RPGR: variants seen among roughly 807,000 people sequenced by gnomAD.
RPGR encodes the protein X-linked retinitis pigmentosa GTPase regulator.
A neutral mutation model predicts 56.3 loss-of-function variants in RPGR; 10 were observed. The ratio of observed to expected loss-of-function variants is 0.18; its 90% CI spans 0.11 to 0.30. RPGR has a LOEUF of 0.30. Ranked by LOEUF, RPGR falls within the 10% of genes least tolerant of loss-of-function variation. The pLI, the probability that RPGR is intolerant of heterozygous loss-of-function variation, is 1.00. For synonymous variants in RPGR, 197 were observed against 212.9 expected (o/e 0.93, Z 0.65); for missense variants, 538 against 590.9 (o/e 0.91, Z 0.93).
At chrX:38,273,332 T>C in intron 18 of RPGR, 1 of 992,208 alleles carries the variant, frequency 1.0e-6, no homozygotes. Context: ...ATATGAAAAG[T>C]AAAACAAACA....
intron 8 of RPGR, among the ~76,000 whole-genome samples, chrX:38,302,230 G>C (rs1482732406): frequency 9.0e-6 from 1 of 111,432 alleles, no homozygotes; most frequent in Non-Finnish European, 1.9e-5. Context: ...TAAGTGCCAG[G>C]GAAGCAGAAG....
intron 5 of RPGR, among the ~76,000 whole-genome samples, 187 bp from the exon 6 acceptor site, chrX:38,317,652 TATAATG>T (rs1409887349): frequency 8.9e-6 from 1 of 112,676 alleles, no homozygotes; most frequent in East Asian, 2.8e-4. Context: ...GAAATGCTTC[TATAATG>T]ATAAAGAACA....
intron 10 of RPGR, among the ~76,000 whole-genome samples, chrX:38,298,621 GAA>G (rs1270133319): frequency 9.0e-6 from 1 of 111,545 alleles, no homozygotes; most frequent in Non-Finnish European, 1.9e-5. Flanking sequence ...ATAACAAAGT[GAA>G]AGTCAGTCCA....
chrX:38,269,931 T>C lies in RPGR; in HGVS notation c.2242-99A>G, dbSNP rs192801596. 326 of 600,587 alleles carry C rather than the reference T, an allele frequency of 5.4e-4. 1 individual carries two copies. The African/African-American group carries it at 6.9e-3, about 13-fold the overall frequency. The allele number at this position is 600,587 out of a possible 1,213,427, so 49.5% of individuals were successfully genotyped here. A position where few individuals can be genotyped will look rare whatever the true frequency, so the allele number is the denominator to read the frequency against. ...TCATTTTCAACACGTAAGAACATGATTTTGTCATCTCTTTATGGGGCACCA... is the reference window on the plus strand; with the variant it reads ...TCATTTTCAACACGTAAGAACATGACTTTGTCATCTCTTTATGGGGCACCA... On this transcript the variant is annotated intron_variant, in intron 18 of 18. Coordinates refer to ENST00000642395, the MANE Select transcript of RPGR (RefSeq NM_000328.3).
chrX:38,291,062 C>T, intron 12 of RPGR, 38 bp from the exon 13 acceptor site: 5 of 479,826 alleles, frequency 1.0e-5, no homozygotes, highest in South Asian at 4.7e-5. Context: ...AAAAAGAATA[C>T]AGTATATATA....
At chrX:38,289,962 G>A (rs986304886) in intron 13 of RPGR, among the ~76,000 whole-genome samples, 1 of 111,725 alleles carries the variant, frequency 9.0e-6, no homozygotes, top group Admixed American at 9.5e-5. Flanking sequence ...AAAGGTGTCT[G>A]CTTGGAAGTA....
rs771418908 is a variant in RPGR at position 38,315,782 on chromosome X, T to C, written c.619+1534A>G. On this transcript the variant is annotated intron_variant, in intron 6 of 18. Coordinates refer to ENST00000642395, the MANE Select transcript of RPGR (RefSeq NM_000328.3). ...CATGATGTGATTATTGCCCATCACA[T>C]GCCTGCATAAAAACATCTCAGGTAT... Among the ~76,000 whole-genome samples, 188 of 106,306 alleles carry C rather than the reference T, an allele frequency of 1.8e-3. 1 individual carries two copies. Among genetic ancestry groups the C allele is most frequent in the African/African-American group, 6.3e-3 (183 of 29,160 alleles). 92.3% of individuals were successfully genotyped at this position (106,306 alleles called of 115,157 possible).
In RPGR at chrX:38,317,309, G is replaced by A. The variant is rs1019005626; in HGVS notation, c.619+7C>T. ...AGATAACATGATGACTTCAAAATGTGTCTTACTTGTTACAAAAGCTGAATG... is the reference window on the plus strand; with the variant it reads ...AGATAACATGATGACTTCAAAATGTATCTTACTTGTTACAAAAGCTGAATG... On this transcript the variant is annotated splice_region_variant and intron_variant, in intron 6 of 18. Coordinates refer to ENST00000642395, the MANE Select transcript of RPGR (RefSeq NM_000328.3). 1 of 1,204,685 alleles carries A rather than the reference G, an allele frequency of 8.3e-7. No homozygotes were observed. Among genetic ancestry groups the A allele is most frequent in the Non-Finnish European group, 1.1e-6 (1 of 890,694 alleles).
At chrX:38,306,783 T>G (rs1287932913) in intron 7 of RPGR, among the ~76,000 whole-genome samples, 1 of 112,455 alleles carries the variant, frequency 8.9e-6, no homozygotes, top group African/African-American at 3.2e-5. Flanking sequence ...GCAGTCTGAA[T>G]CATGTTACAG....
At chrX:38,272,437 T>C (rs2066860265) in intron 18 of RPGR, 1 of 110,332 alleles carries the variant, frequency 9.1e-6, no homozygotes, top group Non-Finnish European at 1.9e-5. Context: ...CTACTAAAAG[T>C]ACAAAATCAG....
In RPGR at chrX:38,327,357, G is replaced by A. The variant is rs1467753564; in HGVS notation, c.11C>T (p.Pro4Leu). The A allele has an allele frequency of 8.4e-7, 1 of 1,189,777 alleles. No individual in the cohort carries two copies. Among genetic ancestry groups the A allele is most frequent in the East Asian group, 3.1e-5 (1 of 32,689 alleles). ...CAACTCACCGGGCATCAGCTCTTCC[G>A]GCTCCCTCATGCCACGGGCAGTACG... Residue 4 changes from proline (P) to leucine (L), a missense_variant, in exon 1 of 19, where the codon CCG becomes CTG. This residue lies in a region of RPGR where 181 missense variants were observed against 265.1 expected (regional missense o/e 0.68). Transcript: ENST00000642395.
intron 7 of RPGR, 143 bp downstream of exon 7, chrX:38,310,472 A>T: frequency 1.7e-6 from 1 of 588,749 alleles, no homozygotes; most frequent in East Asian, 3.6e-5. Flanking sequence ...ATACTTTATT[A>T]TACTCTTAAA....
rs1382124740 is a variant in RPGR at position 38,293,160 on chromosome X, T to C, written c.1415-1676A>G. On this transcript the variant is annotated intron_variant, in intron 11 of 18. Transcript: ENST00000642395. ...AGTTAGACTGAAGAGATCAGTCTGA[T>C]CAAAATTAAGAGTCAGCAAACTTTT... Among the ~76,000 whole-genome samples, 6 of 111,673 alleles carry C rather than the reference T, an allele frequency of 5.4e-5. No homozygotes were observed. In the East Asian group the frequency reaches 8.4e-4, roughly 16 times the overall value.
chrX:38,303,150 C>T (rs1404588474), intron 8 of RPGR, among the ~76,000 whole-genome samples: 2 of 111,223 alleles, frequency 1.8e-5, no homozygotes, highest in African/African-American at 6.5e-5. Context: ...TTAAGGTTTG[C>T]CTTTTAAATT....
At chrX:38,313,223 T>A (rs764862234) in intron 6 of RPGR, among the ~76,000 whole-genome samples, 1 of 111,451 alleles carries the variant, frequency 9.0e-6, no homozygotes, top group African/African-American at 3.3e-5. Context: ...CTGACGCCCC[T>A]AACAAGAAAT....
chrX:38,326,056 A>G (rs1281410282), intron 1 of RPGR: 1 of 111,970 alleles, frequency 8.9e-6, no homozygotes, highest in Non-Finnish European at 1.9e-5. Context: ...CTCAGTTCCA[A>G]CTAATAATTG....
chrX:38,303,962 CTG>C, intron 8 of RPGR: 1 of 280,276 alleles, frequency 3.6e-6, no homozygotes, highest in Non-Finnish European at 6.3e-6. Flanking sequence ...GCATTGAAAA[CTG>C]TGGACTATAT....
At position 38,314,145 on chromosome X, in the gene RPGR, C is replaced by T. The variant is rs767050182; in HGVS notation, c.619+3171G>A. On this transcript the variant is annotated intron_variant, in intron 6 of 18. Coordinates refer to ENST00000642395, the MANE Select transcript of RPGR (RefSeq NM_000328.3). ...CGGCATTCTAAGCCATCCTAGGCTG[C>T]GGGTTGGACGAGCTTGCTGTAAAGG... Among the ~76,000 whole-genome samples, 19 of 111,382 alleles carry T rather than the reference C, an allele frequency of 1.7e-4. No individual in the cohort carries two copies. The East Asian group carries it at 5.3e-3, about 31-fold the overall frequency.
chrX:38,284,416 A>C (rs978876908), intron 15 of RPGR: 1 of 729,606 alleles, frequency 1.4e-6, no homozygotes, highest in African/African-American at 2.3e-5. Flanking sequence ...TATACATTTA[A>C]TTTTTTATTT....
Sources: allele counts gnomAD v4.1 joint callset (sites outside exome capture counted in the v4.1 genomes callset), GRCh38; gene constraint gnomAD v4.1.1; regional missense constraint gnomAD v4.1.1; transcripts MANE v1.5; gene names NCBI Gene and HGNC (gene_info 2026-07-23, HGNC 2026-07-21).